Variants in ZNF253 observed in about 807,000 individuals in gnomAD.
The protein encoded by ZNF253 is DNA-binding protein.
A neutral mutation model predicts 11.9 loss-of-function variants in ZNF253; 8 were observed. That is an observed-to-expected ratio of 0.67 (90% CI 0.40 to 1.22). ZNF253 has a LOEUF of 1.22. Among genes scored for constraint, ZNF253 ranks in the 50% most tolerant of loss-of-function variants. ZNF253 has a pLI of 0.01. For missense variants in ZNF253, 485 were observed against 586.9 expected, an observed-to-expected ratio of 0.83 and a Z score of 1.79; for synonymous variants, 194 against 194.9, an observed-to-expected ratio of 1.00 and a Z score of 0.04.
chr19:19,891,955 C>G lies in ZNF253; in HGVS notation c.708C>G (p.Ala236=), dbSNP rs757098636. ...ACAGATGTGAAGAATGTGGCAAAGC[C>G]TTTAAGCAGTCCTCAAACCTTACTA... is the stretch of plus-strand genomic sequence containing the variant. ...KPYRCEECGK[A]FKQSSNLTTH... is the part of the protein sequence containing the mutation. Residue 236 remains alanine, a synonymous_variant, in exon 4 of 4, where the codon GCC becomes GCG. Coordinates refer to ENST00000589717, the MANE Select transcript of ZNF253 (RefSeq NM_021047.3). 1 of 1,612,636 alleles carries G rather than the reference C, an allele frequency of 6.2e-7. No individual in the cohort carries two copies. Among genetic ancestry groups the G allele is most frequent in the South Asian group, 1.1e-5 (1 of 90,990 alleles).
intron 1 of ZNF253, among the ~76,000 whole-genome samples, chr19:19,874,003 G>C (rs531219016): frequency 6.6e-6 from 1 of 152,114 alleles, no homozygotes; most frequent in South Asian, 2.1e-4. Flanking sequence ...CGGCCTCCCG[G>C]GTTCAAGTGA....
At chr19:19,868,711 A>C (rs1195111943) in intron 1 of ZNF253, among the ~76,000 whole-genome samples, 1 of 152,146 alleles carries the variant, frequency 6.6e-6, no homozygotes, top group African/African-American at 2.4e-5. Flanking sequence ...GAGGGACAGC[A>C]TTAGGAGAAA....
At chr19:19,883,985 A>G (rs2063188364) in intron 3 of ZNF253, among the ~76,000 whole-genome samples, 1 of 148,280 alleles carries the variant, frequency 6.7e-6, no homozygotes, top group Non-Finnish European at 1.5e-5. Context: ...TGAACCTGGG[A>G]GGTGGAGGTT....
Position 19,875,574 on chromosome 19 carries a change from T to C in ZNF253, c.4-2907T>C, listed in dbSNP as rs141682187. 5.5e-3 allele frequency among the ~76,000 whole-genome samples: 833 copies of C among 152,198 alleles called. 8 individuals are homozygous for C. The highest frequency in any genetic ancestry group is 0.019 in the African/African-American group (795 of 41,502). On this transcript the variant is annotated intron_variant, in intron 1 of 3. Transcript: ENST00000589717. The stretch of plus-strand genomic sequence containing the variant: ...CCACGCCCGGCTAATTTTTTGTATT[T>C]TTAGTAGAGACGGGGTTTCACCGTG...
intron 3 of ZNF253, among the ~76,000 whole-genome samples, chr19:19,881,787 G>T (rs891818931): frequency 6.6e-6 from 1 of 151,800 alleles, no homozygotes; most frequent in African/African-American, 2.4e-5. Flanking sequence ...ATATGTGATT[G>T]TATGATCTAC....
In ZNF253 at chr19:19,892,862, G is replaced by C; in HGVS notation, c.*115G>C. The C allele has an allele frequency of 2.0e-6, 2 of 1,002,178 alleles. No homozygotes were observed. Among genetic ancestry groups the C allele is most frequent in the Non-Finnish European group, 2.9e-6 (2 of 685,136 alleles). 62.1% of individuals were successfully genotyped at this position (1,002,178 alleles called of 1,614,324 possible). On this transcript the variant is annotated 3_prime_UTR_variant, in exon 4 of 4. Transcript: ENST00000589717. ...GGAACACAAACCCTACAAATATAAA[G>C]AATGTGACAAAGCTTTTTAAGGAAG...
intron 2 of ZNF253, chr19:19,878,824 A>G (rs930174383): frequency 4.6e-6 from 2 of 432,794 alleles, no homozygotes; most frequent in African/African-American, 4.1e-5. Flanking sequence ...TACATTCACA[A>G]TAACTAAAAG....
intron 3 of ZNF253, among the ~76,000 whole-genome samples, chr19:19,885,139 C>A (rs1191458444): frequency 1.3e-5 from 2 of 151,408 alleles, no homozygotes; most frequent in African/African-American, 4.9e-5. Context: ...CTTTTTTGTT[C>A]TTTTATTTGT....
At chr19:19,885,069 G>A (rs895387265) in intron 3 of ZNF253, among the ~76,000 whole-genome samples, 1 of 151,744 alleles carries the variant, frequency 6.6e-6, no homozygotes, top group African/African-American at 2.4e-5. Context: ...ATTTTCTAAG[G>A]GACGTTGTCA....
Position 19,865,958 on chromosome 19 carries a change from GAGCCAC to G in ZNF253, c.-35_-30del. 6.2e-7 allele frequency: 1 copy of G among 1,614,134 alleles called. No homozygotes were observed. Among genetic ancestry groups the G allele is most frequent in the Non-Finnish European group, 8.5e-7 (1 of 1,179,972 alleles). ...GCCGTGTGACCTGCAAGTATTGGGA[GAGCCAC>G]AGCTAAACCCCGGGACCCCTGGAAG... On this transcript the variant is annotated 5_prime_UTR_variant, in exon 1 of 4. Coordinates refer to ENST00000589717, the MANE Select transcript of ZNF253 (RefSeq NM_021047.3).
rs1488564169 is a variant in ZNF253 at position 19,878,477 on chromosome 19, C to T, written c.4-4C>T. 3 of 1,613,326 alleles carry T rather than the reference C, an allele frequency of 1.9e-6. No homozygotes were observed. Among genetic ancestry groups the T allele is most frequent in the East Asian group, 4.5e-5 (2 of 44,846 alleles). On this transcript the variant is annotated splice_region_variant and splice_polypyrimidine_tract_variant and intron_variant, in intron 1 of 3. Transcript: ENST00000589717. ...GTAATTATGTGTGTGTGTGTGTTTT[C>T]CAGGGACCATTGCAATTTAGAGATG...
rs757920454 is a variant in ZNF253 at position 19,880,046 on chromosome 19, A to G, written c.131-5A>G. 58 of 1,599,526 alleles carry G rather than the reference A, an allele frequency of 3.6e-5. No individual in the cohort carries two copies. Among genetic ancestry groups the G allele is most frequent in the Non-Finnish European group, 4.9e-5 (57 of 1,171,674 alleles). On this transcript the variant is annotated splice_region_variant and splice_polypyrimidine_tract_variant and intron_variant, in intron 2 of 3. Transcript: ENST00000589717. ...GATTCATGTTATTTATTTTTAATAAAACAGGTATTGTTGTCTCTAAGCCAG... is the reference window on the plus strand; with the variant it reads ...GATTCATGTTATTTATTTTTAATAAGACAGGTATTGTTGTCTCTAAGCCAG...
At chr19:19,881,292 C>G (rs573359165) in intron 3 of ZNF253, among the ~76,000 whole-genome samples, 1 of 151,112 alleles carries the variant, frequency 6.6e-6, no homozygotes, top group Admixed American at 6.6e-5. Context: ...TCTATTTTAT[C>G]AGATAGTTTG....
intron 3 of ZNF253, among the ~76,000 whole-genome samples, chr19:19,884,058 A>C (rs76113947): frequency 1.7e-5 from 2 of 120,704 alleles, no homozygotes; most frequent in Non-Finnish European, 3.3e-5. Flanking sequence ...ACTCCATCTC[A>C]AAAAAAAAAA....
intron 3 of ZNF253, among the ~76,000 whole-genome samples, chr19:19,884,758 C>T (rs532081771): frequency 6.6e-6 from 1 of 152,240 alleles, no homozygotes; most frequent in Non-Finnish European, 1.5e-5. Context: ...TTTCCACCAG[C>T]AGTCAACATG....
At chr19:19,889,692 G>A (rs569433737) in intron 3 of ZNF253, among the ~76,000 whole-genome samples, 1 of 152,064 alleles carries the variant, frequency 6.6e-6, no homozygotes, top group South Asian at 2.1e-4. Context: ...GCCCAGCCTG[G>A]CCAGCAGTGG....
chr19:19,878,556 A>G lies in ZNF253; in HGVS notation c.79A>G (p.Asn27Asp). 1 of 1,613,890 alleles carries G rather than the reference A, an allele frequency of 6.2e-7. No individual in the cohort carries two copies. Reference protein sequence around the residue: ...EWHCLDTAQRNLYRDVMLENY... With the variant: ...EWHCLDTAQRDLYRDVMLENY... ...GCATTGCCTGGACACTGCACAGCGG[A>G]ATTTATATAGGGATGTGATGTTAGA... is the stretch of plus-strand genomic sequence containing the variant. The change falls in exon 2 of 4, where the codon AAT becomes GAT. Residue 27 changes from asparagine to aspartate, a missense_variant. Around this residue, in one of 3 missense-constraint regions of ZNF253, gnomAD observed 35 missense variants for 52.4 expected, o/e 0.67. Coordinates refer to ENST00000589717, the MANE Select transcript of ZNF253 (RefSeq NM_021047.3).
At chr19:19,879,816 C>T (rs1287746298) in intron 2 of ZNF253, among the ~76,000 whole-genome samples, 1 of 151,818 alleles carries the variant, frequency 6.6e-6, no homozygotes, top group African/African-American at 2.4e-5. Context: ...ATATTGTTGC[C>T]CCACCTGAAA....
At chr19:19,869,795 G>A (rs144887495) in intron 1 of ZNF253, among the ~76,000 whole-genome samples, 2 of 146,758 alleles carry the variant, frequency 1.4e-5, no homozygotes, top group Non-Finnish European at 3.0e-5. Flanking sequence ...TCAGCCTCCC[G>A]AGTGGCTGGG....
Sources: gnomAD v4.1 joint callset for allele counts (sites outside exome capture counted in the v4.1 genomes callset) on GRCh38, gnomAD v4.1.1 for gene constraint, gnomAD v4.1.1 regional missense constraint, MANE v1.5 for transcripts, NCBI Gene and HGNC (gene_info 2026-07-23, HGNC 2026-07-21) for gene names.